Variants in MCM7 observed in about 807,000 individuals in gnomAD.
The protein encoded by MCM7 is minichromosome maintenance complex component 7.
MCM7 carries 95 observed loss-of-function variants against 83.5 expected under a neutral mutation model. That is an observed-to-expected ratio of 1.14 (90% confidence interval 0.96 to 1.35). MCM7 has a LOEUF of 1.35. Ranked by LOEUF, MCM7 falls within the 40% of genes most tolerant of loss-of-function variation. MCM7 has a pLI of 0.00. For missense variants in MCM7, 1,087 were observed against 957.4 expected (o/e 1.14, Z -1.79); for synonymous variants, 461 against 352.7 (o/e 1.31, Z -3.44).
In MCM7 at chr7:100,098,128, A is replaced by G. The variant is rs1795743714; in HGVS notation, c.870+13T>C. The G allele has an allele frequency of 1.2e-6, 2 of 1,613,626 alleles. No homozygotes were observed. The highest frequency in any genetic ancestry group is 1.7e-6 in the Non-Finnish European group (2 of 1,179,692). On this transcript the variant is annotated intron_variant, in intron 7 of 14. Coordinates refer to ENST00000303887, the MANE Select transcript of MCM7 (RefSeq NM_005916.5). ...AGGGGATGATCCATTCCTCATGTCA[A>G]ACTCTTCCTTACCTGTACCACCTGT...
rs1371020799 is a variant in MCM7 at position 100,095,565 on chromosome 7, A to G, written c.1596-95T>C. The G allele has an allele frequency of 1.0e-5, 14 of 1,338,480 alleles. No homozygotes were observed. The Admixed American group carries it at 2.6e-4, about 25-fold the overall frequency. The allele number at this position is 1,338,480 out of a possible 1,614,324, so 82.9% of individuals were successfully genotyped here. Reference sequence around the variant, plus strand: ...TCCTTTGGCTCTGCCACTTCCTCACAGTGTAGGAGGGACAAGCTTTCCCGG... The same window carrying G: ...TCCTTTGGCTCTGCCACTTCCTCACGGTGTAGGAGGGACAAGCTTTCCCGG... On this transcript the variant is annotated intron_variant, in intron 11 of 14. Coordinates refer to ENST00000303887, the MANE Select transcript of MCM7 (RefSeq NM_005916.5).
intron 1 of MCM7, 107 bp from the exon 2 acceptor site, chr7:100,100,200 TA>T: frequency 1.4e-6 from 2 of 1,479,474 alleles, no homozygotes; most frequent in Non-Finnish European, 1.8e-6. Context: ...TATGAGCATT[TA>T]AATAAACCTA....
In MCM7 at chr7:100,094,346, G is replaced by A; in HGVS notation, c.1680-5C>T. 1 of 1,613,860 alleles carries A rather than the reference G, an allele frequency of 6.2e-7. No individual in the cohort carries two copies. The highest frequency in any genetic ancestry group is 2.2e-5 in the East Asian group (1 of 44,890). On this transcript the variant is annotated splice_polypyrimidine_tract_variant and splice_region_variant and intron_variant, in intron 12 of 14. Coordinates refer to ENST00000303887, the MANE Select transcript of MCM7 (RefSeq NM_005916.5). Reference sequence around the variant, plus strand: ...CGGCACATGGCTATGTAACGCCTGTGGGGGAAGGTTCATGGGGAAGCAGAA... The same window carrying A: ...CGGCACATGGCTATGTAACGCCTGTAGGGGAAGGTTCATGGGGAAGCAGAA...
At chr7:100,100,733 G>A (rs1275481080) in intron 1 of MCM7, 2 of 988,490 alleles carry the variant, frequency 2.0e-6, no homozygotes, top group African/African-American at 1.7e-5. Context: ...GCCGCCGCGC[G>A]GAAGGACACT....
chr7:100,097,244 A>G, intron 10 of MCM7, 57 bp downstream of exon 10: 1 of 1,492,914 alleles, frequency 6.7e-7, no homozygotes, highest in South Asian at 1.1e-5. Context: ...CTTTTTGAAT[A>G]AACACTGTGG....
At position 100,093,394 on chromosome 7, in the gene MCM7, A is replaced by G; in HGVS notation, c.1856T>C (p.Leu619Pro). 6.2e-7 allele frequency: 1 copy of G among 1,613,404 alleles called. No individual in the cohort carries two copies. Among genetic ancestry groups the G allele is most frequent in the Non-Finnish European group, 8.5e-7 (1 of 1,179,366 alleles). Reference protein sequence around the residue: ...ILRLSTALARLRMVDVVEKED... With the variant: ...ILRLSTALARPRMVDVVEKED... ...TTTCTCCACCACATCCACCATTCTC[A>G]GACGTGCCTAAGGGGAAGGTAGGGG... The change falls in exon 14 of 15, where the codon CTG becomes CCG. Residue 619 changes from leucine (L) to proline (P), a missense_variant. By Grantham distance (98) the Leu-to-Pro change is moderately conservative (BLOSUM62 -3). Transcript: ENST00000303887.
intron 10 of MCM7, among the ~76,000 whole-genome samples, chr7:100,096,917 C>T (rs938565775): frequency 2.6e-4 from 39 of 152,048 alleles, no homozygotes; most frequent in South Asian, 8.3e-4. Context: ...CTGGCTAACA[C>T]GGTGAAACCC....
At position 100,096,046 on chromosome 7, in the gene MCM7, C is replaced by T. The variant is rs962334001; in HGVS notation, c.1323G>A (p.Val441=). Reference sequence around the variant, plus strand: ...TCTTGTCGAACTCATCAATGCAGCACACACCCTGGTCAGCCAGCACCAGGG... The same window carrying T: ...TCTTGTCGAACTCATCAATGCAGCATACACCCTGGTCAGCCAGCACCAGGG... ...GGALVLADQG[V]CCIDEFDKMA... is the part of the protein sequence containing the mutation. The change falls in exon 11 of 15, where the codon GTG becomes GTA. Residue 441 remains valine, a synonymous_variant. Transcript: ENST00000303887. 6.2e-7 allele frequency: 1 copy of T among 1,614,034 alleles called. No individual in the cohort carries two copies. The highest frequency in any genetic ancestry group is 8.5e-7 in the Non-Finnish European group (1 of 1,180,006).
intron 12 of MCM7, 99 bp from the exon 13 acceptor site, chr7:100,094,440 T>C (rs576035416): frequency 8.0e-6 from 11 of 1,373,216 alleles, no homozygotes; most frequent in Non-Finnish European, 1.0e-5. Context: ...CCATTTAACA[T>C]GGTCCCCTCC....
In MCM7 at chr7:100,093,087, C is replaced by A; in HGVS notation, c.2005G>T (p.Val669Phe). The A allele has an allele frequency of 6.2e-7, 1 of 1,614,186 alleles. No individual in the cohort carries two copies. The highest frequency in any genetic ancestry group is 1.1e-5 in the South Asian group (1 of 91,076). Residue 669 changes from valine (V) to phenylalanine (F), a missense_variant, in exon 15 of 15, where the codon GTC becomes TTC. By Grantham distance (50) the Val-to-Phe change is conservative (BLOSUM62 -1). Coordinates refer to ENST00000303887, the MANE Select transcript of MCM7 (RefSeq NM_005916.5). The stretch of plus-strand genomic sequence containing the variant: ...AACCGGACACTTCGGCCCCCTGAGA[C>A]CAGTTCACGGACGGTGGCAAATATC... ...DVIFATVREL[V>F]SGGRSVRFSE...
intron 5 of MCM7, 64 bp downstream of exon 5, chr7:100,098,959 T>C (rs1795787504): frequency 2.5e-6 from 4 of 1,594,776 alleles, no homozygotes; most frequent in Non-Finnish European, 3.4e-6. Context: ...CATCACAGGA[T>C]CAAATTAATC....
Position 100,095,815 on chromosome 7 carries a change from G to C in MCM7, c.1554C>G (p.Leu518=). Residue 518 remains leucine (L), a synonymous_variant, in exon 11 of 15, where the codon CTC becomes CTG. Coordinates refer to ENST00000303887, the MANE Select transcript of MCM7 (RefSeq NM_005916.5). ...PAALLSRFDL[L]WLIQDRPDRD... ...GGTCGGGCCGGTCCTGAATCAGCCAGAGGAGGTCAAACCGGGAGAGCAGTG... is the reference window on the plus strand; with the variant it reads ...GGTCGGGCCGGTCCTGAATCAGCCACAGGAGGTCAAACCGGGAGAGCAGTG... The C allele has an allele frequency of 6.2e-7, 1 of 1,604,616 alleles. No homozygotes were observed. Among genetic ancestry groups the C allele is most frequent in the Non-Finnish European group, 8.5e-7 (1 of 1,176,006 alleles).
At chr7:100,095,578 C>G in intron 11 of MCM7, 108 bp from the exon 12 acceptor site, 1 of 1,314,022 alleles carries the variant, frequency 7.6e-7, no homozygotes, top group Non-Finnish European at 1.1e-6. Flanking sequence ...GTAGGAGGGA[C>G]AAGCTTTCCC....
rs1357154578 is a variant in MCM7 at position 100,100,279 on chromosome 7, A to G, written c.32-186T>C. ...TGTTTCTAACCAGCGAAGAATAAAG[A>G]GCCCGTGGCAGTGCACAGGGCCATC... On this transcript the variant is annotated intron_variant, in intron 1 of 14. Coordinates refer to ENST00000303887, the MANE Select transcript of MCM7 (RefSeq NM_005916.5). The G allele has an allele frequency of 2.9e-6, 4 of 1,368,498 alleles. No homozygotes were observed. In the African/African-American group the frequency reaches 4.4e-5, roughly 15 times the overall value. 84.8% of individuals were successfully genotyped at this position (1,368,498 alleles called of 1,614,324 possible). A position where few individuals can be genotyped will look rare whatever the true frequency, so the allele number is the denominator to read the frequency against.
intron 2 of MCM7, 103 bp from the exon 3 acceptor site, chr7:100,099,856 G>T: frequency 6.7e-7 from 1 of 1,503,208 alleles, no homozygotes; most frequent in Non-Finnish European, 9.1e-7. Flanking sequence ...CAGGCTCTGG[G>T]CATCCACAGG....
Position 100,098,910 on chromosome 7 carries a change from AAC to A in MCM7, c.582+111_582+112del, listed in dbSNP as rs71830252. ...ACTACATACCCAAGAATGAAAGGCG[AAC>A]ACACAGGCAACTTTTACAACCAAAT... On this transcript the variant is annotated intron_variant, in intron 5 of 14. Coordinates refer to ENST00000303887, the MANE Select transcript of MCM7 (RefSeq NM_005916.5). 3.8e-3 allele frequency: 5,530 copies of A among 1,463,390 alleles called. 174 individuals are homozygous for A. The African/African-American group carries it at 0.064, about 17-fold the overall frequency. The allele number at this position is 1,463,390 out of a possible 1,614,324, so 90.7% of individuals were successfully genotyped here. A position where few individuals can be genotyped will look rare whatever the true frequency, so the allele number is the denominator to read the frequency against.
chr7:100,093,267 C>CT (rs1426712032), intron 14 of MCM7, 25 bp downstream of exon 14: 3 of 1,607,772 alleles, frequency 1.9e-6, no homozygotes, highest in East Asian at 4.5e-5. Context: ...AGTGACACAG[C>CT]TTTGTCCTTC....
rs1189528336 is a variant in MCM7, at chr7:100,100,883, A to G, written c.31+381T>C. The G allele has an allele frequency of 1.1e-5, 11 of 1,043,298 alleles. No individual in the cohort carries two copies. The East Asian group carries it at 8.5e-4, about 80-fold the overall frequency. 64.6% of individuals were successfully genotyped at this position (1,043,298 alleles called of 1,614,324 possible). A position where few individuals can be genotyped will look rare whatever the true frequency, so the allele number is the denominator to read the frequency against. ...CCCCGGGGCCTACGCGCGCCTGGGGAGGGCGCGGGAACCTGGGAATGCCCA... is the reference window on the plus strand; with the variant it reads ...CCCCGGGGCCTACGCGCGCCTGGGGGGGGCGCGGGAACCTGGGAATGCCCA... On this transcript the variant is annotated intron_variant, in intron 1 of 14. Transcript: ENST00000303887.
Position 100,100,176 on chromosome 7 carries a change from G to A in MCM7, c.32-83C>T, listed in dbSNP as rs543274378. On this transcript the variant is annotated intron_variant, in intron 1 of 14. Coordinates refer to ENST00000303887, the MANE Select transcript of MCM7 (RefSeq NM_005916.5). ...CATTTTCGCTTAAAACACGACCTATGAACTAATTAATAATATGAGCATTTA... is the reference window on the plus strand; with the variant it reads ...CATTTTCGCTTAAAACACGACCTATAAACTAATTAATAATATGAGCATTTA... The A allele has an allele frequency of 1.3e-4, 197 of 1,542,988 alleles. 2 individuals carry two copies. In the East Asian group the frequency reaches 3.6e-3, roughly 28 times the overall value.
Sources: gnomAD v4.1 joint callset for allele counts (sites outside exome capture counted in the v4.1 genomes callset) on GRCh38, gnomAD v4.1.1 for gene constraint, MANE v1.5 for transcripts, NCBI Gene and HGNC (gene_info 2026-07-23, HGNC 2026-07-21) for gene names.